Variants in CSMD1 observed in about 807,000 individuals in gnomAD.
CSMD1 encodes the protein CUB and Sushi multiple domains 1.
Under a neutral mutation model 417.5 loss-of-function variants are expected in CSMD1, and 213 were observed. The observed-to-expected ratio is 0.51, with a 90% CI of 0.46 to 0.57. The LOEUF (loss-of-function observed/expected upper bound fraction) is 0.57. Among genes scored for constraint, CSMD1 ranks in the 20% least tolerant of loss-of-function variants. CSMD1 has a pLI of 0.00. For synonymous variants in CSMD1, 2,862 were observed against 1,736.8 expected (o/e 1.65, Z -16.11); for missense variants, 6,923 against 4,529.7 (o/e 1.53, Z -15.17).
chr8:3,376,798 T>TTTC lies in CSMD1; in HGVS notation c.2783-7429_2783-7428insGAA, dbSNP rs756769089. ...TGATATACAATATTATAATTATTTT[T>TTTC]TTTTCTTTTCTGAAAGCTATGAATG... On this transcript the variant is annotated intron_variant, in intron 18 of 69. Coordinates refer to ENST00000635120, the MANE Select transcript of CSMD1 (RefSeq NM_033225.6). Among the ~76,000 whole-genome samples, 69 of 152,256 alleles carry TTTC rather than the reference T, an allele frequency of 4.5e-4. 1 individual carries two copies. Among genetic ancestry groups the TTTC allele is most frequent in the South Asian group, 6.2e-4 (3 of 4,828 alleles).
intron 3 of CSMD1, among the ~76,000 whole-genome samples, chr8:4,282,315 C>T (rs187505528): frequency 2.5e-3 from 378 of 152,270 alleles, no homozygotes; most frequent in Non-Finnish European, 4.1e-3. Flanking sequence ...CACTGGAGCA[C>T]GCCCAAGGGT....
chr8:4,213,982 G>A (rs1041204634), intron 3 of CSMD1, among the ~76,000 whole-genome samples: 3 of 152,114 alleles, frequency 2.0e-5, no homozygotes, highest in African/African-American at 7.2e-5. Context: ...TGTCTTTCAA[G>A]GCACACAAAC....
chr8:4,676,929 G>T (rs1045622857), intron 1 of CSMD1, among the ~76,000 whole-genome samples: 1 of 146,876 alleles, frequency 6.8e-6, no homozygotes, highest in African/African-American at 2.5e-5. Context: ...CATAGAGAGA[G>T]ATGATATATA....
intron 5 of CSMD1, among the ~76,000 whole-genome samples, chr8:3,862,178 C>T (rs1165713132): frequency 1.3e-5 from 2 of 152,162 alleles, no homozygotes; most frequent in African/African-American, 4.8e-5. Context: ...TATACAACAT[C>T]ATAGCAGGTT....
chr8:4,084,518 T>G (rs1206183828), intron 3 of CSMD1, among the ~76,000 whole-genome samples: 3 of 152,208 alleles, frequency 2.0e-5, no homozygotes, highest in African/African-American at 7.2e-5. Context: ...CTGTTTTTAT[T>G]TTTCCTTACT....
chr8:4,442,423 A>T (rs1380274869), intron 2 of CSMD1, among the ~76,000 whole-genome samples: 1 of 152,176 alleles, frequency 6.6e-6, no homozygotes, highest in Non-Finnish European at 1.5e-5. Flanking sequence ...GTATATATGA[A>T]CATATAAAGC....
intron 22 of CSMD1, among the ~76,000 whole-genome samples, chr8:3,345,484 G>A (rs945473672): frequency 6.6e-6 from 1 of 152,092 alleles, no homozygotes; most frequent in Admixed American, 6.6e-5. Flanking sequence ...GTTTCGCACT[G>A]ATCACAAATA....
chr8:3,189,889 A>G (rs1796309263), intron 34 of CSMD1, 23 bp downstream of exon 34: 3 of 1,550,774 alleles, frequency 1.9e-6, no homozygotes, highest in Non-Finnish European at 1.7e-6. Context: ...TCTGGCGGGC[A>G]GCCGCTTAGG....
intron 1 of CSMD1, among the ~76,000 whole-genome samples, chr8:4,791,082 GT>G (rs879333928): frequency 0.015 from 2,272 of 152,174 alleles, 29 homozygotes; most frequent in Non-Finnish European, 0.023. Context: ...GAGAGAGACG[GT>G]GAGAGAGACG....
At position 3,926,069 on chromosome 8, in the gene CSMD1, C is replaced by CAA. The variant is rs1275162408; in HGVS notation, c.818+71833_818+71834insTT. On this transcript the variant is annotated intron_variant, in intron 5 of 69. Coordinates refer to ENST00000635120, the MANE Select transcript of CSMD1 (RefSeq NM_033225.6). ...AACACCATATACACACACACACACA[C>CAA]ACACAAACACCATACACACACACAC... Among the ~76,000 whole-genome samples the CAA allele has an allele frequency of 2.3e-5, 3 of 133,108 alleles. 1 individual carries two copies. The highest frequency in any genetic ancestry group is 2.3e-4 in the East Asian group (1 of 4,404). The allele number at this position is 133,108 out of a possible 152,430, so 87.3% of individuals were successfully genotyped here.
chr8:3,260,333 A>G (rs1037312593), intron 26 of CSMD1, among the ~76,000 whole-genome samples: 6 of 152,084 alleles, frequency 3.9e-5, no homozygotes, highest in African/African-American at 1.2e-4. Flanking sequence ...TGCAGGATCA[A>G]TGGGAACCAG....
chr8:4,610,426 G>C (rs758461240), intron 2 of CSMD1, among the ~76,000 whole-genome samples: 10 of 152,132 alleles, frequency 6.6e-5, no homozygotes, highest in Non-Finnish European at 1.5e-4. Context: ...TATGGTTAAG[G>C]ATTTATTTCC....
intron 18 of CSMD1, among the ~76,000 whole-genome samples, chr8:3,376,391 C>T (rs577713382): frequency 6.6e-6 from 1 of 151,934 alleles, no homozygotes; most frequent in African/African-American, 2.4e-5. Context: ...CATGGTGACA[C>T]AGACTTGTTT....
intron 5 of CSMD1, among the ~76,000 whole-genome samples, chr8:3,963,094 C>T (rs193046905): frequency 6.6e-6 from 1 of 152,158 alleles, no homozygotes; most frequent in East Asian, 1.9e-4. Context: ...CCACGTCTGG[C>T]TAATTTTTGT....
chr8:4,711,192 T>A (rs114324129), intron 1 of CSMD1, among the ~76,000 whole-genome samples: 109 of 151,856 alleles, frequency 7.2e-4, no homozygotes, highest in African/African-American at 2.4e-3. Context: ...TTATTACTCA[T>A]ACTTGGAAAG....
intron 1 of CSMD1, among the ~76,000 whole-genome samples, chr8:4,866,478 AT>A (rs1260335951): frequency 6.6e-6 from 1 of 151,930 alleles, no homozygotes; most frequent in Non-Finnish European, 1.5e-5. Flanking sequence ...TAAAAAGTGC[AT>A]TTTAGCATCT....
At chr8:3,231,069 A>G (rs1798808099) in intron 26 of CSMD1, among the ~76,000 whole-genome samples, 1 of 152,096 alleles carries the variant, frequency 6.6e-6, no homozygotes, top group Non-Finnish European at 1.5e-5. Flanking sequence ...TAATCACAGA[A>G]GGCTACCGCA....
intron 26 of CSMD1, among the ~76,000 whole-genome samples, chr8:3,262,216 T>A (rs1218162107): frequency 1.9e-5 from 2 of 105,848 alleles, no homozygotes; most frequent in African/African-American, 6.9e-5. Flanking sequence ...TATATATATA[T>A]ATATATATAT....
rs912320823 is a variant in CSMD1, at chr8:2,938,266, A to T, written c.*319T>A. On this transcript the variant is annotated 3_prime_UTR_variant, in exon 70 of 70. Transcript: ENST00000635120. Reference sequence around the variant, plus strand: ...GCATTGAAAGGCATCTCAGCAACACAGAAATATGAAAGTCTGAGGCATTGA... The same window carrying T: ...GCATTGAAAGGCATCTCAGCAACACTGAAATATGAAAGTCTGAGGCATTGA... 4 of 265,618 alleles carry T rather than the reference A, an allele frequency of 1.5e-5. No homozygotes were observed. Among genetic ancestry groups the T allele is most frequent in the Non-Finnish European group, 2.8e-5 (4 of 141,646 alleles). The allele number at this position is 265,618 out of a possible 1,614,324, so 16.5% of individuals were successfully genotyped here.
Sources: gnomAD v4.1 joint callset for allele counts (sites outside exome capture counted in the v4.1 genomes callset) on GRCh38, gnomAD v4.1.1 for gene constraint, MANE v1.5 for transcripts, NCBI Gene and HGNC (gene_info 2026-07-23, HGNC 2026-07-21) for gene names.